FAM117A: variants seen among roughly 807,000 people sequenced by gnomAD.
FAM117A encodes the protein family with sequence similarity 117 member A.
Under a neutral mutation model 44.1 loss-of-function variants are expected in FAM117A, and 21 were observed. That is an observed-to-expected ratio of 0.48 (90% CI 0.34 to 0.69). FAM117A has a LOEUF of 0.69. Ranked by LOEUF, FAM117A falls within the 30% of genes least tolerant of loss-of-function variation. The pLI is 0.01. For missense variants in FAM117A, 498 were observed against 589.9 expected, an observed-to-expected ratio of 0.84 and a Z score of 1.61; for synonymous variants, 220 against 238.3, an observed-to-expected ratio of 0.92 and a Z score of 0.71.
rs374082325 is a variant in FAM117A at position 49,722,485 on chromosome 17, A to G, written c.462+14T>C. Reference sequence around the variant, plus strand: ...AGCCGCTACCCTAGGCAGGGAGTCAAAGTGGGTAGCTACCTCTTTTCGGTG... The same window carrying G: ...AGCCGCTACCCTAGGCAGGGAGTCAGAGTGGGTAGCTACCTCTTTTCGGTG... On this transcript the variant is annotated intron_variant, in intron 3 of 7. Coordinates refer to ENST00000240364, the MANE Select transcript of FAM117A (RefSeq NM_030802.4). The G allele has an allele frequency of 2.6e-5, 42 of 1,611,448 alleles. No individual in the cohort carries two copies. The highest frequency in any genetic ancestry group is 3.3e-5 in the Non-Finnish European group (39 of 1,178,364).
At chr17:49,747,070 G>T (rs1471692242) in intron 1 of FAM117A, 1 of 151,810 alleles carries the variant, frequency 6.6e-6, no homozygotes, top group Non-Finnish European at 1.5e-5. Context: ...GTAAATAAGA[G>T]ATGGCTACTG....
intron 1 of FAM117A, among the ~76,000 whole-genome samples, chr17:49,758,635 AAT>A (rs1491045929): frequency 8.9e-5 from 9 of 101,694 alleles, no homozygotes; most frequent in East Asian, 7.5e-4. Flanking sequence ...AAAAAAAAAA[AAT>A]AAAATAAATA....
chr17:49,776,865 C>T (rs940157168), intron 1 of FAM117A, among the ~76,000 whole-genome samples: 2 of 152,130 alleles, frequency 1.3e-5, no homozygotes, highest in Non-Finnish European at 2.9e-5. Context: ...GGAGACTTGA[C>T]GGAAGAGGGT....
At chr17:49,780,028 C>T (rs1005264449) in intron 1 of FAM117A, among the ~76,000 whole-genome samples, 1 of 152,120 alleles carries the variant, frequency 6.6e-6, no homozygotes, top group Non-Finnish European at 1.5e-5. Flanking sequence ...ACTAAGATGT[C>T]CAAGGATGTG....
intron 6 of FAM117A, 136 bp downstream of exon 6, chr17:49,717,377 G>A (rs2073509123): frequency 1.5e-6 from 1 of 675,694 alleles, no homozygotes; most frequent in African/African-American, 1.8e-5. Flanking sequence ...ATAATGTGCA[G>A]AAGAAAGATG....
intron 3 of FAM117A, among the ~76,000 whole-genome samples, chr17:49,720,868 T>C (rs1261539809): frequency 6.6e-6 from 1 of 151,984 alleles, no homozygotes; most frequent in Non-Finnish European, 1.5e-5. Flanking sequence ...GCACCCACCA[T>C]CACCCCCAGC....
chr17:49,768,393 C>T (rs550641863), upstream of FAM117A, among the ~76,000 whole-genome samples: 82 of 152,254 alleles, frequency 5.4e-4, no homozygotes, highest in African/African-American at 1.9e-3. Flanking sequence ...AAATATGACA[C>T]CCAGTAGCAA....
chr17:49,788,706 C>G (rs896093981), upstream of FAM117A: 1 of 992,972 alleles, frequency 1.0e-6, no homozygotes, highest in Non-Finnish European at 1.4e-6. Flanking sequence ...CGCTGAGAGG[C>G]AGGAGGCACT....
Position 49,761,008 on chromosome 17 carries a change from C to A in FAM117A, c.196+2884G>T, listed in dbSNP as rs116847683. 8.5e-3 allele frequency among the ~76,000 whole-genome samples: 1,292 copies of A among 152,282 alleles called. 11 individuals carry two copies. The highest frequency in any genetic ancestry group is 0.012 in the African/African-American group (517 of 41,550). ...CATTCCTCATTTTACGAAGACATACCTTATGATGAATGGTTGCAGAAGGCA... is the reference window on the plus strand; with the variant it reads ...CATTCCTCATTTTACGAAGACATACATTATGATGAATGGTTGCAGAAGGCA... On this transcript the variant is annotated intron_variant, in intron 1 of 7. Coordinates refer to ENST00000240364, the MANE Select transcript of FAM117A (RefSeq NM_030802.4).
intron 1 of FAM117A, among the ~76,000 whole-genome samples, chr17:49,738,973 A>G (rs1236044501): frequency 6.6e-6 from 1 of 152,092 alleles, no homozygotes; most frequent in African/African-American, 2.4e-5. Flanking sequence ...CCAAAATGAG[A>G]CAATGACATG....
At chr17:49,759,590 T>C (rs2073714601) in intron 1 of FAM117A, among the ~76,000 whole-genome samples, 1 of 152,236 alleles carries the variant, frequency 6.6e-6, no homozygotes, top group South Asian at 2.1e-4. Flanking sequence ...AAATCTCTTC[T>C]AATCTCCAGG....
At chr17:49,730,324 G>T (rs1567829024) in intron 2 of FAM117A, among the ~76,000 whole-genome samples, 1 of 152,196 alleles carries the variant, frequency 6.6e-6, no homozygotes, top group African/African-American at 2.4e-5. Context: ...TCTTGCTGTG[G>T]CAAGAAGCCC....
At chr17:49,729,074 T>C (rs1054662617) in intron 2 of FAM117A, among the ~76,000 whole-genome samples, 1 of 152,230 alleles carries the variant, frequency 6.6e-6, no homozygotes, top group African/African-American at 2.4e-5. Context: ...ACTACTGGGC[T>C]ATATTCAAGA....
At chr17:49,762,485 T>C (rs995531519) in intron 1 of FAM117A, among the ~76,000 whole-genome samples, 1 of 152,190 alleles carries the variant, frequency 6.6e-6, no homozygotes, top group Non-Finnish European at 1.5e-5. Flanking sequence ...TGCTAACATA[T>C]ACAGTGAAAA....
chr17:49,750,265 TACTC>T (rs1262912895), intron 1 of FAM117A, among the ~76,000 whole-genome samples: 1 of 148,866 alleles, frequency 6.7e-6, no homozygotes, highest in Non-Finnish European at 1.5e-5. Flanking sequence ...GCAAGACAGA[TACTC>T]ACATGCAGAC....
chr17:49,773,165 C>T (rs923138060), intron 1 of FAM117A, among the ~76,000 whole-genome samples: 1 of 152,068 alleles, frequency 6.6e-6, no homozygotes, highest in South Asian at 2.1e-4. Context: ...ATTAGCCAGG[C>T]GTGGTGGTGG....
At chr17:49,721,272 C>T (rs1279530548) in intron 3 of FAM117A, among the ~76,000 whole-genome samples, 1 of 152,154 alleles carries the variant, frequency 6.6e-6, no homozygotes, top group Non-Finnish European at 1.5e-5. Flanking sequence ...CAATTCTGGA[C>T]CTTCTTGCCC....
chr17:49,747,669 A>C lies in FAM117A; in HGVS notation c.197-14949T>G, dbSNP rs536897705. On this transcript the variant is annotated intron_variant, in intron 1 of 7. Coordinates refer to ENST00000240364, the MANE Select transcript of FAM117A (RefSeq NM_030802.4). ...TCCTTAGTCAAGCTCTATCTACTTC[A>C]TGCCCCCAGCTTCAAAAAGGGGAGA... Among the ~76,000 whole-genome samples, 4 of 152,252 alleles carry C rather than the reference A, an allele frequency of 2.6e-5. No homozygotes were observed. In the East Asian group the frequency reaches 7.7e-4, roughly 29 times the overall value.
intron 2 of FAM117A, among the ~76,000 whole-genome samples, chr17:49,727,352 G>A (rs1245443539): frequency 1.3e-5 from 2 of 152,192 alleles, no homozygotes; most frequent in African/African-American, 2.4e-5. Context: ...AGGTTGCAGC[G>A]AGCCAAAATC....
Sources: allele counts gnomAD v4.1 joint callset (sites outside exome capture counted in the v4.1 genomes callset), GRCh38; gene constraint gnomAD v4.1.1; transcripts MANE v1.5; gene names NCBI Gene and HGNC (gene_info 2026-07-23, HGNC 2026-07-21).